Variants in LRP1B observed in about 807,000 individuals in gnomAD.
LRP1B encodes LDL receptor related protein 1B.
In LRP1B, 217 loss-of-function variants were observed where a neutral mutation model predicts 556.6. The ratio of observed to expected loss-of-function variants is 0.39; its 90% confidence interval spans 0.35 to 0.44. The LOEUF (loss-of-function observed/expected upper bound fraction) is 0.44, where lower values mean the gene tolerates loss of function less well. Ranked by LOEUF, LRP1B falls within the 20% of genes least tolerant of loss-of-function variation. The probability of loss-of-function intolerance (pLI) is 1.00; values close to 1 mark genes in which losing one functional copy is unlikely to be tolerated. For missense variants in LRP1B, 5,053 were observed against 5,620.8 expected (o/e 0.90, Z 3.23); for synonymous variants, 2,047 against 1,865.8 (o/e 1.10, Z -2.50).
Position 141,985,838 on chromosome 2 carries a change from T to C in LRP1B, c.82+144810A>G, listed in dbSNP as rs557804631. Among the ~76,000 whole-genome samples, 15 of 152,042 alleles carry C rather than the reference T, an allele frequency of 9.9e-5. No homozygotes were observed. In the South Asian group the frequency reaches 2.9e-3, roughly 29 times the overall value. ...TTCTGTATAGCAAATATGTTTCACCTCAATGAATCCCCAAAATGATTTGCA... is the reference window on the plus strand; with the variant it reads ...TTCTGTATAGCAAATATGTTTCACCCCAATGAATCCCCAAAATGATTTGCA... On this transcript the variant is annotated intron_variant, in intron 1 of 90. Transcript: ENST00000389484.
intron 35 of LRP1B, among the ~76,000 whole-genome samples, chr2:140,733,887 AAT>A (rs1687860619): frequency 6.6e-6 from 1 of 152,246 alleles, no homozygotes; most frequent in African/African-American, 2.4e-5. Context: ...AGCAAAATTT[AAT>A]TATCATTCCT....
chr2:141,500,968 C>T (rs762859705), intron 2 of LRP1B, among the ~76,000 whole-genome samples: 3 of 151,976 alleles, frequency 2.0e-5, no homozygotes, highest in Non-Finnish European at 4.4e-5. Flanking sequence ...TTCTCTTGGT[C>T]ATTTTTCCCA....
intron 35 of LRP1B, among the ~76,000 whole-genome samples, chr2:140,727,551 A>ACTGGGTAGC (rs1687637220): frequency 6.6e-6 from 1 of 152,182 alleles, no homozygotes; most frequent in African/African-American, 2.4e-5. Context: ...ATACTTGAAG[A>ACTGGGTAGC]CTGGGTAGCA....
intron 66 of LRP1B, among the ~76,000 whole-genome samples, chr2:140,436,094 GATGA>G (rs1368075870): frequency 3.3e-5 from 5 of 151,820 alleles, no homozygotes; most frequent in African/African-American, 1.2e-4. Context: ...CAAATAAATG[GATGA>G]AAGAAAAACA....
At chr2:141,932,834 T>A (rs1043777866) in intron 1 of LRP1B, among the ~76,000 whole-genome samples, 1 of 151,988 alleles carries the variant, frequency 6.6e-6, no homozygotes, top group Admixed American at 6.6e-5. Flanking sequence ...GGTAAATCTG[T>A]ATAAAATAAA....
chr2:141,780,102 G>A (rs1430090800), intron 2 of LRP1B, among the ~76,000 whole-genome samples: 1 of 148,908 alleles, frequency 6.7e-6, no homozygotes, highest in African/African-American at 2.5e-5. Flanking sequence ...ATTTCCAAAT[G>A]CAATGTAATG....
chr2:141,001,260 C>A (rs184519125), intron 15 of LRP1B, among the ~76,000 whole-genome samples: 3 of 152,074 alleles, frequency 2.0e-5, no homozygotes, highest in Non-Finnish European at 4.4e-5. Flanking sequence ...TTTAAAAATT[C>A]ATTCATAAGT....
At chr2:141,327,673 C>A (rs1478069814) in intron 3 of LRP1B, among the ~76,000 whole-genome samples, 1 of 152,054 alleles carries the variant, frequency 6.6e-6, no homozygotes, top group Non-Finnish European at 1.5e-5. Flanking sequence ...TTAGTTGGAC[C>A]ATGTTTACAA....
intron 3 of LRP1B, among the ~76,000 whole-genome samples, chr2:141,326,230 A>AT (rs1272567279): frequency 1.3e-5 from 2 of 152,084 alleles, no homozygotes; most frequent in Non-Finnish European, 2.9e-5. Flanking sequence ...AGATAAGTTA[A>AT]TTTTTTAACA....
chr2:141,985,695 C>G (rs1702168080), intron 1 of LRP1B, among the ~76,000 whole-genome samples: 1 of 151,528 alleles, frequency 6.6e-6, no homozygotes, highest in Non-Finnish European at 1.5e-5. Flanking sequence ...GATGTATTTA[C>G]CTGTGTAACA....
At chr2:141,486,896 T>C (rs1314711948) in intron 2 of LRP1B, among the ~76,000 whole-genome samples, 1 of 152,164 alleles carries the variant, frequency 6.6e-6, no homozygotes, top group Non-Finnish European at 1.5e-5. Flanking sequence ...CTTCTAACTT[T>C]CTGCCGAACT....
chr2:140,737,958 C>CT (rs1688004163), intron 35 of LRP1B, among the ~76,000 whole-genome samples: 2 of 152,174 alleles, frequency 1.3e-5, no homozygotes, highest in Admixed American at 6.6e-5. Context: ...GATCCATGCA[C>CT]TTTTTCCAAT....
chr2:141,480,547 A>C lies in LRP1B; in HGVS notation c.206-14T>G. On this transcript the variant is annotated splice_polypyrimidine_tract_variant and intron_variant, in intron 2 of 90. Transcript: ENST00000389484. ...CCTCCTCGGGACCTGAAAAGATGTAAAAAAGAACAGAATTATGTGTTAGCT... is the reference window on the plus strand; with the variant it reads ...CCTCCTCGGGACCTGAAAAGATGTACAAAAGAACAGAATTATGTGTTAGCT... 6.2e-7 allele frequency: 1 copy of C among 1,613,524 alleles called. No individual in the cohort carries two copies. The highest frequency in any genetic ancestry group is 8.5e-7 in the Non-Finnish European group (1 of 1,179,558).
At chr2:142,117,247 G>A (rs1238122211) in intron 1 of LRP1B, among the ~76,000 whole-genome samples, 1 of 152,122 alleles carries the variant, frequency 6.6e-6, no homozygotes, top group Admixed American at 6.6e-5. Context: ...TTAAACCTCT[G>A]CTGGGTCATT....
chr2:142,044,659 C>G (rs1704192019), intron 1 of LRP1B, among the ~76,000 whole-genome samples: 1 of 151,646 alleles, frequency 6.6e-6, no homozygotes, highest in South Asian at 2.1e-4. Flanking sequence ...CGAAAAGCCC[C>G]AAGGATATTC....
intron 7 of LRP1B, among the ~76,000 whole-genome samples, chr2:141,107,004 G>C (rs1328090930): frequency 6.6e-6 from 1 of 151,604 alleles, no homozygotes; most frequent in East Asian, 1.9e-4. Context: ...CTTTGCATTG[G>C]TATTATGCTA....
At chr2:142,115,846 AT>A (rs1707248992) in intron 1 of LRP1B, among the ~76,000 whole-genome samples, 1 of 9,330 alleles carries the variant, frequency 1.1e-4, no homozygotes, top group Non-Finnish European at 1.8e-4. Flanking sequence ...TATGTAATAT[AT>A]ATATATACAT....
At chr2:141,136,743 C>A (rs1042180303) in intron 7 of LRP1B, among the ~76,000 whole-genome samples, 89 of 151,662 alleles carry the variant, frequency 5.9e-4, no homozygotes, top group African/African-American at 2.1e-3. Flanking sequence ...TATTAATGCC[C>A]TGAAACTGCC....
chr2:141,065,165 A>C (rs1699445436), intron 7 of LRP1B, among the ~76,000 whole-genome samples: 1 of 151,912 alleles, frequency 6.6e-6, no homozygotes, highest in Non-Finnish European at 1.5e-5. Context: ...CGTCACCTAG[A>C]TTCACCAGTT....
Sources: allele counts gnomAD v4.1 joint callset (sites outside exome capture counted in the v4.1 genomes callset), GRCh38; gene constraint gnomAD v4.1.1; transcripts MANE v1.5; gene names NCBI Gene and HGNC (gene_info 2026-07-23, HGNC 2026-07-21).